The following C5 variants were observed in gnomAD, a reference collection of about 807,000 sequenced individuals.
C5 encodes the protein complement C5.
In C5, 140 loss-of-function variants were observed where a neutral mutation model predicts 218.8. The observed-to-expected ratio is 0.64, with a 90% CI of 0.56 to 0.74. The LOEUF (loss-of-function observed/expected upper bound fraction) is 0.74. C5 is among the 30% of genes least tolerant of loss of function. The pLI is 0.00. For synonymous variants in C5, 614 were observed against 682.3 expected, an observed-to-expected ratio of 0.90 and a Z score of 1.56; for missense variants, 1,700 against 1,969.6, an observed-to-expected ratio of 0.86 and a Z score of 2.59.
chr9:121,070,602 T>C, the C5 span, among the ~76,000 whole-genome samples: 2 of 151,826 alleles, frequency 1.3e-5, no homozygotes, highest in Admixed American at 6.6e-5. Flanking sequence ...GAAGACAGTA[T>C]ATTACGTGAA....
chr9:121,010,790 C>A (rs183596128), intron 17 of C5, among the ~76,000 whole-genome samples: 18 of 152,106 alleles, frequency 1.2e-4, no homozygotes, highest in Non-Finnish European at 2.2e-4. Context: ...ACATATAGAC[C>A]TATGGAACAG....
the C5 span, among the ~76,000 whole-genome samples, chr9:121,069,431 C>CA: frequency 6.6e-6 from 1 of 152,160 alleles, no homozygotes; most frequent in East Asian, 1.9e-4. Flanking sequence ...ATCTGCAAAT[C>CA]AAAACCACTA....
intron 5 of C5, among the ~76,000 whole-genome samples, chr9:121,033,013 G>GTGTGTGT (rs1554724861): frequency 6.4e-4 from 91 of 143,174 alleles, no homozygotes; most frequent in East Asian, 3.0e-3. Context: ...AAAAACTATG[G>GTGTGTGT]GTGTGTGTGT....
intron 26 of C5, 61 bp from the exon 27 acceptor site, chr9:120,982,000 G>T: frequency 2.8e-6 from 3 of 1,086,012 alleles, no homozygotes; most frequent in South Asian, 1.3e-5. Context: ...GAAATGACCT[G>T]ATTCTACTCT....
At chr9:121,074,698 C>T in the C5 span, 1 of 420,352 alleles carries the variant, frequency 2.4e-6, no homozygotes, top group South Asian at 1.7e-5. Flanking sequence ...CACAGCACTG[C>T]GGGCAGCTGC....
chr9:121,054,551 G>A (rs1429037882), upstream of C5, among the ~76,000 whole-genome samples: 1 of 152,212 alleles, frequency 6.6e-6, no homozygotes, highest in East Asian at 1.9e-4. Flanking sequence ...AGTGAGCCAA[G>A]ATCGTGCCAT....
chr9:121,021,416 T>G (rs1409664667), intron 11 of C5, 93 bp downstream of exon 11: 2 of 996,004 alleles, frequency 2.0e-6, no homozygotes, highest in Non-Finnish European at 3.2e-6. Context: ...GACTCATGTG[T>G]AAAATCTGCC....
upstream of C5, among the ~76,000 whole-genome samples, chr9:121,050,903 T>C (rs2047666704): frequency 6.6e-6 from 1 of 152,146 alleles, no homozygotes; most frequent in Non-Finnish European, 1.5e-5. Flanking sequence ...CTCTAAGTAT[T>C]GGAGAATAGA....
intron 1 of C5, among the ~76,000 whole-genome samples, chr9:121,047,895 T>C (rs2047641394): frequency 6.6e-6 from 1 of 152,206 alleles, no homozygotes; most frequent in South Asian, 2.1e-4. Flanking sequence ...AATTTTGCCC[T>C]GTGATAAGGC....
intron 25 of C5, among the ~76,000 whole-genome samples, chr9:120,988,012 C>T (rs1487982231): frequency 1.3e-5 from 2 of 152,090 alleles, no homozygotes; most frequent in African/African-American, 2.4e-5. Flanking sequence ...AGGATGGTCT[C>T]GATCTCTTGA....
intron 37 of C5, among the ~76,000 whole-genome samples, chr9:120,960,705 G>C (rs553681963): frequency 6.6e-6 from 1 of 152,302 alleles, no homozygotes; most frequent in African/African-American, 2.4e-5. Flanking sequence ...GTTAGTGTTA[G>C]CGTATTTTAT....
chr9:120,952,809 C>T lies in C5; in HGVS notation c.4961G>A (p.Cys1654Tyr), dbSNP rs1283304515. The T allele has an allele frequency of 1.1e-5, 18 of 1,612,720 alleles. No homozygotes were observed. Among genetic ancestry groups the T allele is most frequent in the Admixed American group, 1.7e-5 (1 of 60,012 alleles). ...AGCTAAAAATGCTTGACACGATGAACATGTTGTGTCTCTAGGCCAGTATTC... is the reference window on the plus strand; with the variant it reads ...AGCTAAAAATGCTTGACACGATGAATATGTTGTGTCTCTAGGCCAGTATTC... ...WIEYWPRDTT[C>Y]SSCQAFLANL... is the part of the protein sequence containing the mutation. The change falls in exon 41 of 41, where the codon TGT becomes TAT. Residue 1654 changes from cysteine to tyrosine, a missense_variant. By Grantham distance (194) the Cys-to-Tyr change is radical (BLOSUM62 -2). Transcript: ENST00000223642.
Position 121,020,073 on chromosome 9 carries a change from G to A in C5, c.1409C>T (p.Thr470Ile). The A allele has an allele frequency of 1.2e-6, 2 of 1,613,032 alleles. No homozygotes were observed. The highest frequency in any genetic ancestry group is 1.6e-4 in the Middle Eastern group (1 of 6,062). Residue 470 changes from threonine to isoleucine, a missense_variant, in exon 12 of 41, where the codon ACT (threonine) becomes ATT (isoleucine). Coordinates refer to ENST00000223642, the MANE Select transcript of C5 (RefSeq NM_001735.3). ...CACTAGCAAAGCCTTATGGTTATCA[G>A]TCCAATCAATATAAAGGTAACTTTG... is the stretch of plus-strand genomic sequence containing the variant. ...LSQSYLYIDW[T>I]DNHKALLVGE... is the part of the protein sequence containing the mutation.
chr9:120,990,851 C>T (rs936128115), intron 23 of C5, among the ~76,000 whole-genome samples: 7 of 152,232 alleles, frequency 4.6e-5, no homozygotes, highest in African/African-American at 1.4e-4. Flanking sequence ...AGGCCATAGG[C>T]CTTCTCTGGA....
intron 27 of C5, among the ~76,000 whole-genome samples, chr9:120,980,699 T>G (rs1277325469): frequency 6.6e-6 from 1 of 152,022 alleles, no homozygotes; most frequent in Admixed American, 6.5e-5. Context: ...CACGCCATTC[T>G]CCTGCCTCAG....
At chr9:120,990,673 A>G (rs763388753) in intron 23 of C5, among the ~76,000 whole-genome samples, 4 of 152,080 alleles carry the variant, frequency 2.6e-5, no homozygotes, top group Non-Finnish European at 4.4e-5. Context: ...CAAACACCCA[A>G]TCTCTTGATG....
intron 17 of C5, among the ~76,000 whole-genome samples, chr9:121,012,103 C>A (rs1445362353): frequency 1.3e-5 from 2 of 151,880 alleles, no homozygotes; most frequent in Non-Finnish European, 1.5e-5. Flanking sequence ...TTAAAAATAA[C>A]TAAAAGAGTA....
At chr9:121,037,516 T>A (rs1469841562) in intron 4 of C5, among the ~76,000 whole-genome samples, 1 of 152,056 alleles carries the variant, frequency 6.6e-6, no homozygotes, top group Non-Finnish European at 1.5e-5. Context: ...TTTCACTATG[T>A]TGGCCAGGTT....
At chr9:121,050,100 G>T in intron 1 of C5, 82 bp downstream of exon 1, 6 of 1,109,954 alleles carry the variant, frequency 5.4e-6, no homozygotes, top group Non-Finnish European at 6.9e-6. Context: ...TTATTTTCAA[G>T]TTAACAGAAT....
Sources: allele counts gnomAD v4.1 joint callset (sites outside exome capture counted in the v4.1 genomes callset), GRCh38; gene constraint gnomAD v4.1.1; transcripts MANE v1.5; gene names NCBI Gene and HGNC (gene_info 2026-07-23, HGNC 2026-07-21).